ADGRV1: variants seen among roughly 807,000 people sequenced by gnomAD.
The protein encoded by ADGRV1 is G-protein coupled receptor 98.
Under a neutral mutation model 596.2 loss-of-function variants are expected in ADGRV1, and 359 were observed. The observed-to-expected ratio is 0.60, with a 90% CI of 0.55 to 0.66. The LOEUF is 0.66. Ranked by LOEUF, ADGRV1 falls within the 30% of genes least tolerant of loss-of-function variation. The probability of loss-of-function intolerance (pLI) is 0.00; values close to 1 mark genes in which losing one functional copy is unlikely to be tolerated. For synonymous variants in ADGRV1, 2,681 were observed against 2,679.2 expected, an observed-to-expected ratio of 1.00 and a Z score of -0.02; for missense variants, 7,274 against 7,575.6, an observed-to-expected ratio of 0.96 and a Z score of 1.48.
intron 87 of ADGRV1, among the ~76,000 whole-genome samples, chr5:91,110,799 A>AGCTTTG (rs770282437): frequency 1.3e-3 from 196 of 152,304 alleles, no homozygotes; most frequent in Non-Finnish European, 1.3e-3. Flanking sequence ...AAGTGAGCAG[A>AGCTTTG]GCTTTGCACA....
At chr5:90,723,239 G>C (rs1751319556) in intron 45 of ADGRV1, among the ~76,000 whole-genome samples, 1 of 152,160 alleles carries the variant, frequency 6.6e-6, no homozygotes, top group Non-Finnish European at 1.5e-5. Flanking sequence ...ATAGGACCTG[G>C]AGAAGGTAGT....
chr5:90,811,955 G>C (rs1426457105), intron 74 of ADGRV1, among the ~76,000 whole-genome samples: 1 of 143,852 alleles, frequency 7.0e-6, no homozygotes, highest in Non-Finnish European at 1.5e-5. Flanking sequence ...TGGAGATGGA[G>C]TCTTGCTCTG....
At chr5:90,609,382 G>A (rs1762475401) in intron 1 of ADGRV1, among the ~76,000 whole-genome samples, 1 of 152,012 alleles carries the variant, frequency 6.6e-6, no homozygotes, top group Non-Finnish European at 1.5e-5. Flanking sequence ...ATTAACTACA[G>A]TCTGAGTAAG....
At chr5:90,978,295 A>AAAATAAATAAAT (rs10529732) in intron 84 of ADGRV1, among the ~76,000 whole-genome samples, 1,979 of 148,570 alleles carry the variant, frequency 0.013, 23 homozygotes, top group South Asian at 0.027. Context: ...ACTTCATCTC[A>AAAATAAATAAAT]AAATAAATAA....
At position 90,840,574 on chromosome 5, in the gene ADGRV1, C is replaced by A; in HGVS notation, c.16612-4C>A. ...TCACTTAAATGGTGTTGTTTAATTT[C>A]TAGGAGTTGAGGAGTGCTGAAACAA... is the stretch of plus-strand genomic sequence containing the variant. On this transcript the variant is annotated splice_polypyrimidine_tract_variant and splice_region_variant and intron_variant, in intron 77 of 89. Transcript: ENST00000405460. 1.3e-6 allele frequency: 2 copies of A among 1,579,776 alleles called. No homozygotes were observed. The highest frequency in any genetic ancestry group is 1.2e-5 in the South Asian group (1 of 86,150).
intron 83 of ADGRV1, among the ~76,000 whole-genome samples, chr5:90,930,658 A>G (rs577235028): frequency 1.3e-5 from 2 of 152,274 alleles, no homozygotes; most frequent in African/African-American, 4.8e-5. Flanking sequence ...CGTGAGTCCA[A>G]ATTTTCAAGC....
chr5:90,866,425 GTT>G (rs1258090936), intron 83 of ADGRV1, among the ~76,000 whole-genome samples: 1 of 151,628 alleles, frequency 6.6e-6, no homozygotes, highest in African/African-American at 2.4e-5. Context: ...TGAATCTGGA[GTT>G]TGTCATTATA....
chr5:90,997,770 C>A (rs1581746056), intron 85 of ADGRV1, among the ~76,000 whole-genome samples: 1 of 152,254 alleles, frequency 6.6e-6, no homozygotes, highest in South Asian at 2.1e-4. Flanking sequence ...TTGTGTGACA[C>A]TGAGCAAATT....
intron 87 of ADGRV1, among the ~76,000 whole-genome samples, chr5:91,132,976 C>A (rs1794333793): frequency 6.6e-6 from 1 of 152,058 alleles, no homozygotes; most frequent in African/African-American, 2.4e-5. Context: ...TAGTGGTAAT[C>A]ATTAAAGTGT....
chr5:90,784,558 G>A (rs1392229679), intron 67 of ADGRV1, among the ~76,000 whole-genome samples: 1 of 152,156 alleles, frequency 6.6e-6, no homozygotes, highest in African/African-American at 2.4e-5. Context: ...TTAGGAGAAA[G>A]AGGTTAGAAG....
At chr5:90,601,999 C>T (rs1446953747) in intron 1 of ADGRV1, among the ~76,000 whole-genome samples, 9 of 152,132 alleles carry the variant, frequency 5.9e-5, no homozygotes, top group Non-Finnish European at 1.0e-4. Flanking sequence ...AAATAATGAA[C>T]GTAGACACAT....
At chr5:90,729,289 T>G (rs1435525680) in intron 49 of ADGRV1, among the ~76,000 whole-genome samples, 1 of 152,192 alleles carries the variant, frequency 6.6e-6, no homozygotes, top group Non-Finnish European at 1.5e-5. Context: ...TAAATAATGT[T>G]CAGAACTTTT....
rs182707862 is a variant in ADGRV1, at chr5:91,108,619, G to A, written c.18432+6279G>A. Among the ~76,000 whole-genome samples, 205 of 152,162 alleles carry A rather than the reference G, an allele frequency of 1.3e-3. 1 individual carries two copies. Among genetic ancestry groups the A allele is most frequent in the African/African-American group, 4.7e-3 (195 of 41,520 alleles). On this transcript the variant is annotated intron_variant, in intron 87 of 89. Transcript: ENST00000405460. ...ACAGTCTTTTTTTTCCTTTGAGACA[G>A]GGTCTCGTTGTTTCTCCCAAGCTGG...
chr5:91,122,353 A>G (rs928771635), intron 87 of ADGRV1, among the ~76,000 whole-genome samples: 1 of 152,216 alleles, frequency 6.6e-6, no homozygotes, highest in African/African-American at 2.4e-5. Flanking sequence ...GCATTTCCCA[A>G]ATGGTAACAA....
chr5:90,887,864 C>T (rs746623228), intron 83 of ADGRV1, among the ~76,000 whole-genome samples: 2 of 152,092 alleles, frequency 1.3e-5, no homozygotes, highest in Admixed American at 6.5e-5. Flanking sequence ...GTATAATTCA[C>T]AATAGCATTT....
intron 1 of ADGRV1, among the ~76,000 whole-genome samples, chr5:90,562,628 C>T (rs1454158941): frequency 6.6e-6 from 1 of 152,186 alleles, no homozygotes; most frequent in African/African-American, 2.4e-5. Context: ...GGCTTTACCT[C>T]AAAGCCAGGG....
intron 87 of ADGRV1, among the ~76,000 whole-genome samples, chr5:91,107,923 A>G (rs1017725976): frequency 2.6e-5 from 4 of 152,224 alleles, no homozygotes; most frequent in African/African-American, 4.8e-5. Context: ...ACTGGTACAT[A>G]TAAGAAAAAA....
chr5:90,692,882 G>T (rs908711325), intron 32 of ADGRV1, 96 bp downstream of exon 32: 8 of 926,460 alleles, frequency 8.6e-6, no homozygotes, highest in Admixed American at 7.5e-5. Flanking sequence ...AGGTTTTGTG[G>T]TTTTTTCTAT....
Position 90,685,977 on chromosome 5 carries a change from C to A in ADGRV1, c.6472C>A (p.Pro2158Thr). 1 of 1,583,132 alleles carries A rather than the reference C, an allele frequency of 6.3e-7. No homozygotes were observed. The highest frequency in any genetic ancestry group is 8.6e-7 in the Non-Finnish European group (1 of 1,161,606). The change falls in exon 29 of 90, where the codon CCA becomes ACA. Residue 2158 changes from proline (P) to threonine (T), a missense_variant. By Grantham distance (38) the Pro-to-Thr change is conservative. This residue lies in a region of ADGRV1 where 3,643 missense variants were observed against 3,809.2 expected (regional missense o/e 0.96). Transcript: ENST00000405460. ...ADVSVKFKAVPITAIAGEDYS... is the reference protein window; with the variant it reads ...ADVSVKFKAVTITAIAGEDYS... ...TGTCTCTGTGAAGTTTAAAGCTGTG[C>A]CAATAACTGCAATAGCTGGTAAGAA...
Sources: allele counts gnomAD v4.1 joint callset (sites outside exome capture counted in the v4.1 genomes callset), GRCh38; gene constraint gnomAD v4.1.1; regional missense constraint gnomAD v4.1.1; transcripts MANE v1.5; gene names NCBI Gene and HGNC (gene_info 2026-07-23, HGNC 2026-07-21).